SLC37A2: variants seen among roughly 807,000 people sequenced by gnomAD.
SLC37A2 encodes solute carrier family 37 member 2, also known as glucose-6-phosphate exchanger SLC37A2.
In SLC37A2, 59 loss-of-function variants were observed where a neutral mutation model predicts 70.7. The observed-to-expected ratio is 0.83, with a 90% CI of 0.68 to 1.04. SLC37A2 has a LOEUF of 1.04. Among genes scored for constraint, SLC37A2 ranks in the 50% least tolerant of loss-of-function variants. The pLI is 0.00. For synonymous variants in SLC37A2, 257 were observed against 262.1 expected (o/e 0.98, Z 0.19); for missense variants, 580 against 658.1 (o/e 0.88, Z 1.30).
chr11:125,077,616 G>A, intron 4 of SLC37A2, 88 bp downstream of exon 4: 2 of 1,012,946 alleles, frequency 2.0e-6, no homozygotes, highest in Non-Finnish European at 2.9e-6. Flanking sequence ...AGCTGGGAAT[G>A]AGCCCAGGGA....
Position 125,063,361 on chromosome 11 carries a change from A to C in SLC37A2, c.-7A>C. ...GTCGACTCAGCCTTAGGTACCGGTC[A>C]GGCAAAATGCGGTCCTCCCTGGCTC... On this transcript the variant is annotated 5_prime_UTR_variant, in exon 1 of 18. Coordinates refer to ENST00000403796, the MANE Select transcript of SLC37A2 (RefSeq NM_001145290.2). The surrounding 1 kb of genome is among the most constrained non-coding windows in gnomAD (Gnocchi z 5.4). 5.0e-6 allele frequency: 8 copies of C among 1,611,070 alleles called. No homozygotes were observed. Among genetic ancestry groups the C allele is most frequent in the South Asian group, 1.1e-5 (1 of 90,246 alleles).
At chr11:125,065,778 G>T (rs1308165966) in intron 1 of SLC37A2, among the ~76,000 whole-genome samples, 1 of 152,130 alleles carries the variant, frequency 6.6e-6, no homozygotes, top group African/African-American at 2.4e-5. Context: ...TACTGAACCT[G>T]TGCAAATAAC....
intron 7 of SLC37A2, 134 bp from the exon 8 acceptor site, chr11:125,081,287 C>A: frequency 1.2e-6 from 1 of 837,136 alleles, no homozygotes; most frequent in Non-Finnish European, 1.9e-6. Context: ...CACACACTGG[C>A]CACCTTAGGA....
intron 1 of SLC37A2, among the ~76,000 whole-genome samples, chr11:125,075,724 C>T (rs1391071491): frequency 1.3e-5 from 2 of 152,202 alleles, no homozygotes; most frequent in Non-Finnish European, 2.9e-5. Context: ...TTGCTTCATG[C>T]CACATTTGGG....
At chr11:125,072,645 T>G (rs868449322) in intron 1 of SLC37A2, among the ~76,000 whole-genome samples, 2 of 152,070 alleles carry the variant, frequency 1.3e-5, no homozygotes, top group African/African-American at 4.8e-5. Context: ...AGAGGAGAAG[T>G]GAAACCTGCG....
chr11:125,081,686 C>T (rs1949152449), intron 8 of SLC37A2, 68 bp from the exon 9 acceptor site: 1 of 1,511,696 alleles, frequency 6.6e-7, no homozygotes, highest in African/African-American at 1.4e-5. Context: ...CTTGCCTGGG[C>T]TGCACCTTCA....
chr11:125,079,836 A>C, intron 6 of SLC37A2, 76 bp downstream of exon 6: 2 of 1,155,058 alleles, frequency 1.7e-6, no homozygotes, highest in Non-Finnish European at 2.6e-6. Context: ...GTGGCCTCTG[A>C]TGTAATTTCA....
intron 14 of SLC37A2, 69 bp from the exon 15 acceptor site, chr11:125,085,326 C>T (rs1949197124): frequency 6.7e-7 from 1 of 1,490,296 alleles, no homozygotes; most frequent in South Asian, 1.2e-5. Context: ...TGAGTCAGCC[C>T]CTCTCCTGTC....
At chr11:125,082,492 T>C (rs1211783393) in intron 10 of SLC37A2, among the ~76,000 whole-genome samples, 158 bp downstream of exon 10, 1 of 152,106 alleles carries the variant, frequency 6.6e-6, no homozygotes, top group African/African-American at 2.4e-5. Context: ...TTTAGTTGTT[T>C]ACTTAAATGA....
chr11:125,086,906 A>T (rs1041975079), intron 17 of SLC37A2: 2 of 159,680 alleles, frequency 1.3e-5, no homozygotes, highest in African/African-American at 4.8e-5. Flanking sequence ...GGGACATGGT[A>T]ACCAGCACGC....
At chr11:125,078,110 C>G (rs900132979) in intron 4 of SLC37A2, among the ~76,000 whole-genome samples, 1 of 152,186 alleles carries the variant, frequency 6.6e-6, no homozygotes, top group Non-Finnish European at 1.5e-5. Flanking sequence ...GGTGCCTGAC[C>G]TGATGCAAGG....
At chr11:125,079,038 G>T in intron 4 of SLC37A2, 74 bp from the exon 5 acceptor site, 1 of 1,595,636 alleles carries the variant, frequency 6.3e-7, no homozygotes, top group South Asian at 1.1e-5. Context: ...TAGCGTGGTG[G>T]GGGCAGAAAC....
At chr11:125,064,320 A>G (rs1164420733) in intron 1 of SLC37A2, among the ~76,000 whole-genome samples, 1 of 151,992 alleles carries the variant, frequency 6.6e-6, no homozygotes, top group African/African-American at 2.4e-5. Flanking sequence ...ACATCGTGAG[A>G]CCACCCCTCC....
rs1201781683 is a variant in SLC37A2, at chr11:125,086,032, G to C, written c.1490+14G>C. 9 of 1,612,456 alleles carry C rather than the reference G, an allele frequency of 5.6e-6. No homozygotes were observed. Among genetic ancestry groups the C allele is most frequent in the Non-Finnish European group, 7.6e-6 (9 of 1,178,564 alleles). On this transcript the variant is annotated intron_variant, in intron 17 of 17. Transcript: ENST00000403796. ...CAGAGGCAGCGGGTGAGTCCGGGGA[G>C]CTGAAGCTGCCCCTCTACCAACCTC... is the stretch of plus-strand genomic sequence containing the variant.
Position 125,085,417 on chromosome 11 carries a change from G to T in SLC37A2, c.1271G>T (p.Gly424Val). 6.2e-7 allele frequency: 1 copy of T among 1,613,908 alleles called. No homozygotes were observed. The highest frequency in any genetic ancestry group is 8.5e-7 in the Non-Finnish European group (1 of 1,179,974). ...CAGGGGACTCACAAGAGCCTGAAGG[G>T]CAACGCCAAAGCCCTGTCCACGGTC... The part of the protein sequence containing the change: ...ADLGTHKSLK[G>V]NAKALSTVTA... Residue 424 changes from glycine (G) to valine (V), a missense_variant, in exon 15 of 18, where the codon GGC becomes GTC. By Grantham distance (109) the Gly-to-Val change is moderately radical (BLOSUM62 -3). Coordinates refer to ENST00000403796, the MANE Select transcript of SLC37A2 (RefSeq NM_001145290.2).
intron 1 of SLC37A2, among the ~76,000 whole-genome samples, chr11:125,076,023 C>T (rs1949083031): frequency 6.6e-6 from 1 of 151,970 alleles, no homozygotes; most frequent in African/African-American, 2.4e-5. Flanking sequence ...CTTCCCCAGG[C>T]CTCAGGCTTG....
intron 1 of SLC37A2, among the ~76,000 whole-genome samples, chr11:125,073,102 G>T (rs1286412013): frequency 6.6e-6 from 1 of 152,182 alleles, no homozygotes; most frequent in Non-Finnish European, 1.5e-5. Flanking sequence ...AGCTGGCGGG[G>T]ACATCAGGCT....
rs1022455355 is a variant in SLC37A2, at chr11:125,084,832, T to C, written c.1133T>C (p.Leu378Pro). Residue 378 changes from leucine (L) to proline (P), a missense_variant, in exon 13 of 18, where the codon CTG becomes CCG. By Grantham distance (98) the Leu-to-Pro change is moderately conservative (BLOSUM62 -3). Transcript: ENST00000403796. ...TCCCCTCTCCTCTCTCAGATGTTCC[T>C]GTACAACTACATTGGCCAGGACGGG... ...MLILAAPMMFLYNYIGQDGIA... is the reference protein window; with the variant it reads ...MLILAAPMMFPYNYIGQDGIA... 1.2e-6 allele frequency: 2 copies of C among 1,613,432 alleles called. No homozygotes were observed. Among genetic ancestry groups the C allele is most frequent in the African/African-American group, 1.3e-5 (1 of 74,856 alleles).
chr11:125,083,544 G>C lies in SLC37A2; in HGVS notation c.977-271G>C, dbSNP rs1949171834. 2 of 408,170 alleles carry C rather than the reference G, an allele frequency of 4.9e-6. No individual in the cohort carries two copies. Among genetic ancestry groups the C allele is most frequent in the Non-Finnish European group, 9.0e-6 (2 of 223,418 alleles). 25.3% of individuals were successfully genotyped at this position (408,170 alleles called of 1,614,324 possible). A position where few individuals can be genotyped will look rare whatever the true frequency, so the allele number is the denominator to read the frequency against. On this transcript the variant is annotated intron_variant, in intron 10 of 17. Coordinates refer to ENST00000403796, the MANE Select transcript of SLC37A2 (RefSeq NM_001145290.2). This position sits in a 1 kb window ranked among gnomAD's most constrained non-coding sequence, Gnocchi z 4.6. ...CACGGGACAGCAGGCTCGGGGGCCA[G>C]ATCCCAGAGCTTGCCAGGGAGGGCT... is the stretch of plus-strand genomic sequence containing the variant.
Sources: allele counts gnomAD v4.1 joint callset (sites outside exome capture counted in the v4.1 genomes callset), GRCh38; gene constraint gnomAD v4.1.1; non-coding constraint Gnocchi (gnomAD v3.1); transcripts MANE v1.5; gene names NCBI Gene and HGNC (gene_info 2026-07-23, HGNC 2026-07-21).